HIVEP3: variants seen among roughly 807,000 people sequenced by gnomAD.
HIVEP3 encodes HIVEP zinc finger 3.
HIVEP3 carries 49 observed loss-of-function variants against 152.8 expected under a neutral mutation model. The ratio of observed to expected loss-of-function variants is 0.32; its 90% CI spans 0.26 to 0.41. The LOEUF (loss-of-function observed/expected upper bound fraction) is 0.41, where lower values mean the gene tolerates loss of function less well. Ranked by LOEUF, HIVEP3 falls within the 10% of genes least tolerant of loss-of-function variation. HIVEP3 has a pLI of 1.00. For synonymous variants in HIVEP3, 1,269 were observed against 1,289.0 expected (o/e 0.98, Z 0.33); for missense variants, 2,790 against 3,103.3 (o/e 0.90, Z 2.40).
intron 3 of HIVEP3, among the ~76,000 whole-genome samples, chr1:41,611,442 C>T (rs1644895122): frequency 6.6e-6 from 1 of 152,214 alleles, no homozygotes; most frequent in Non-Finnish European, 1.5e-5. Context: ...CTGCCGAGAA[C>T]CTGACATGTC....
intron 1 of HIVEP3, among the ~76,000 whole-genome samples, chr1:41,981,756 G>A (rs1645295304): frequency 6.6e-6 from 1 of 152,260 alleles, no homozygotes; most frequent in Middle Eastern, 3.4e-3. Context: ...TCATCATTCT[G>A]GGACTTTCTG....
chr1:41,686,086 T>G (rs12062462), intron 2 of HIVEP3, among the ~76,000 whole-genome samples: 1,597 of 135,128 alleles, frequency 0.012, 9 homozygotes, highest in Middle Eastern at 0.021. Context: ...GTTTTGTTTT[T>G]TTTGAGATGG....
chr1:42,010,420 C>T (rs914844167), intron 1 of HIVEP3, among the ~76,000 whole-genome samples: 2 of 152,022 alleles, frequency 1.3e-5, no homozygotes, highest in African/African-American at 4.8e-5. Context: ...TGTGTGTTTC[C>T]TTTGTAGTTA....
chr1:41,745,691 C>A (rs1272745005), intron 1 of HIVEP3, among the ~76,000 whole-genome samples: 1 of 152,208 alleles, frequency 6.6e-6, no homozygotes, highest in African/African-American at 2.4e-5. Flanking sequence ...GCTGATGTCT[C>A]TGAGGACCCC....
intron 5 of HIVEP3, among the ~76,000 whole-genome samples, chr1:41,545,499 AC>A (rs1643751688): frequency 7.1e-6 from 1 of 141,736 alleles, no homozygotes; most frequent in Non-Finnish European, 1.5e-5. Flanking sequence ...CATCACCACC[AC>A]TACCACCATC....
chr1:41,516,933 C>G (rs1253837693), intron 7 of HIVEP3, among the ~76,000 whole-genome samples: 2 of 152,262 alleles, frequency 1.3e-5, no homozygotes, highest in Non-Finnish European at 2.9e-5. Flanking sequence ...AGGGCCCCTG[C>G]TCTACTCCAC....
intron 3 of HIVEP3, among the ~76,000 whole-genome samples, chr1:41,599,510 A>T (rs1161502301): frequency 1.3e-5 from 2 of 152,220 alleles, no homozygotes; most frequent in African/African-American, 4.8e-5. Context: ...TTTGCAACAC[A>T]TGTTTGAAAA....
At chr1:42,013,963 C>G (rs1440012657) in intron 1 of HIVEP3, among the ~76,000 whole-genome samples, 1 of 152,188 alleles carries the variant, frequency 6.6e-6, no homozygotes, top group Non-Finnish European at 1.5e-5. Context: ...CTATTTCCCC[C>G]CAAAGTTTCA....
chr1:41,949,518 G>A (rs1645093798), intron 1 of HIVEP3, among the ~76,000 whole-genome samples: 1 of 152,084 alleles, frequency 6.6e-6, no homozygotes, highest in Admixed American at 6.5e-5. Context: ...GGGGAAGAAT[G>A]CTGTTATTAT....
intron 3 of HIVEP3, among the ~76,000 whole-genome samples, chr1:41,616,298 G>A (rs1053323464): frequency 3.3e-5 from 5 of 152,228 alleles, no homozygotes; most frequent in African/African-American, 1.2e-4. Flanking sequence ...GGGCAGTGCT[G>A]TAGAATTAAG....
intron 1 of HIVEP3, among the ~76,000 whole-genome samples, chr1:41,741,981 T>C (rs1352936063): frequency 1.3e-5 from 2 of 152,244 alleles, no homozygotes; most frequent in South Asian, 2.1e-4. Flanking sequence ...TGAAATGAAA[T>C]GTTTTCCTAT....
intron 1 of HIVEP3, among the ~76,000 whole-genome samples, chr1:41,772,702 G>A (rs565352706): frequency 7.2e-5 from 11 of 152,310 alleles, no homozygotes; most frequent in Non-Finnish European, 1.6e-4. Context: ...TTGAGGTCAG[G>A]CGTTCAAGAC....
At chr1:41,823,360 G>A (rs140217617) in intron 1 of HIVEP3, among the ~76,000 whole-genome samples, 14 of 152,318 alleles carry the variant, frequency 9.2e-5, no homozygotes, top group African/African-American at 3.4e-4. Flanking sequence ...ACACCAAGAT[G>A]CAGATACAAA....
At chr1:41,725,230 C>T (rs1389846990) in intron 1 of HIVEP3, among the ~76,000 whole-genome samples, 4 of 152,152 alleles carry the variant, frequency 2.6e-5, no homozygotes, top group Non-Finnish European at 4.4e-5. Flanking sequence ...GAATCAAGAA[C>T]GCTTCGGGAC....
intron 2 of HIVEP3, among the ~76,000 whole-genome samples, chr1:41,634,566 G>T (rs571707178): frequency 5.9e-5 from 9 of 151,986 alleles, no homozygotes; most frequent in African/African-American, 2.2e-4. Flanking sequence ...AAGAGACCAG[G>T]CTGGATAAAA....
At chr1:41,964,262 G>A (rs917752698) in intron 1 of HIVEP3, among the ~76,000 whole-genome samples, 3 of 152,190 alleles carry the variant, frequency 2.0e-5, no homozygotes, top group Non-Finnish European at 4.4e-5. Flanking sequence ...GACCCACGCA[G>A]AGCGAGGAAA....
intron 5 of HIVEP3, 98 bp from the exon 6 acceptor site, chr1:41,525,008 T>A (rs1489263397): frequency 2.4e-5 from 28 of 1,165,576 alleles, no homozygotes; most frequent in Non-Finnish European, 3.3e-5. Context: ...ATCCAGCCCG[T>A]TACAGACGCA....
chr1:41,978,918 G>T lies in HIVEP3; in HGVS notation n.119+56889C>A, dbSNP rs956738193. Among the ~76,000 whole-genome samples, 12 of 152,272 alleles carry T rather than the reference G, an allele frequency of 7.9e-5. No individual in the cohort carries two copies. The East Asian group carries it at 2.3e-3, about 29-fold the overall frequency. On this transcript the variant is annotated intron_variant and non_coding_transcript_variant, in intron 1 of 3. Coordinates refer to the HIVEP3 transcript ENST00000489103. ...CCCTGCCCCAACGATCACTGCACCA[G>T]ACTGACGTGTTGAGGACAGGAACTG...
intron 1 of HIVEP3, among the ~76,000 whole-genome samples, chr1:42,004,293 G>A (rs948125663): frequency 2.0e-5 from 3 of 152,320 alleles, no homozygotes; most frequent in Non-Finnish European, 4.4e-5. Flanking sequence ...AAAGACAGCA[G>A]GGGCTCATGA....
Sources: allele counts gnomAD v4.1 joint callset (sites outside exome capture counted in the v4.1 genomes callset), GRCh38; gene constraint gnomAD v4.1.1; transcripts MANE v1.5; gene names NCBI Gene and HGNC (gene_info 2026-07-23, HGNC 2026-07-21).